The following PARD3 variants were observed in gnomAD, a reference collection of about 807,000 sequenced individuals.
PARD3 encodes the protein partitioning defective 3 homolog.
In PARD3, 75 loss-of-function variants were observed where a neutral mutation model predicts 155.4. The ratio of observed to expected loss-of-function variants is 0.48; its 90% CI spans 0.40 to 0.58. PARD3 has a LOEUF of 0.58. Ranked by LOEUF, PARD3 falls within the 20% of genes least tolerant of loss-of-function variation. The pLI, the probability that PARD3 is intolerant of heterozygous loss-of-function variation, is 0.00. For missense variants in PARD3, 1,642 were observed against 1,721.7 expected, an observed-to-expected ratio of 0.95 and a Z score of 0.82; for synonymous variants, 576 against 610.5, an observed-to-expected ratio of 0.94 and a Z score of 0.83.
At chr10:34,784,600 C>T (rs1395976587) in intron 1 of PARD3, among the ~76,000 whole-genome samples, 1 of 152,206 alleles carries the variant, frequency 6.6e-6, no homozygotes, top group Non-Finnish European at 1.5e-5. Context: ...CCATGCCAGG[C>T]TAATTCTTGT....
chr10:34,718,979 A>T (rs1178615269), intron 1 of PARD3, among the ~76,000 whole-genome samples: 1 of 152,190 alleles, frequency 6.6e-6, no homozygotes, highest in Non-Finnish European at 1.5e-5. Context: ...AAAATAAAAA[A>T]TAAATTTTAA....
intron 24 of PARD3, among the ~76,000 whole-genome samples, chr10:34,116,667 T>C (rs1234602031): frequency 6.6e-6 from 1 of 152,220 alleles, no homozygotes; most frequent in Admixed American, 6.5e-5. Context: ...GACAAGAAGA[T>C]ACTGCAGAAA....
At chr10:34,548,226 T>G (rs543577131) in intron 2 of PARD3, among the ~76,000 whole-genome samples, 194 of 152,272 alleles carry the variant, frequency 1.3e-3, no homozygotes, top group Non-Finnish European at 1.9e-3. Context: ...TGGTGGCTCA[T>G]GCCTGTAATC....
intron 22 of PARD3, among the ~76,000 whole-genome samples, chr10:34,164,180 A>G (rs1949414696): frequency 6.6e-6 from 1 of 152,226 alleles, no homozygotes; most frequent in African/African-American, 2.4e-5. Context: ...AAGAAAAGGA[A>G]GAATTGGCCA....
chr10:34,775,931 A>C (rs1839473385), intron 1 of PARD3, among the ~76,000 whole-genome samples: 1 of 152,128 alleles, frequency 6.6e-6, no homozygotes, highest in African/African-American at 2.4e-5. Context: ...TTCATTTTAC[A>C]AAGTAATATA....
At chr10:34,510,106 G>A (rs1370532020) in intron 3 of PARD3, among the ~76,000 whole-genome samples, 1 of 152,188 alleles carries the variant, frequency 6.6e-6, no homozygotes, top group South Asian at 2.1e-4. Flanking sequence ...TAATACTGAT[G>A]TAACAAAACT....
intron 14 of PARD3, among the ~76,000 whole-genome samples, chr10:34,351,396 TAAAACTG>T (rs1235288807): frequency 1.3e-5 from 2 of 152,224 alleles, no homozygotes; most frequent in African/African-American, 2.4e-5. Flanking sequence ...AATAGGCTGT[TAAAACTG>T]AGGACACGCC....
chr10:34,113,923 G>A (rs575344011), intron 24 of PARD3, among the ~76,000 whole-genome samples: 13 of 152,292 alleles, frequency 8.5e-5, no homozygotes, highest in African/African-American at 3.1e-4. Context: ...AATAGGTCCC[G>A]GAGGAGTAGT....
At chr10:34,585,359 C>T (rs2087912701) in intron 2 of PARD3, among the ~76,000 whole-genome samples, 1 of 152,100 alleles carries the variant, frequency 6.6e-6, no homozygotes, top group South Asian at 2.1e-4. Context: ...TTTAGTCCTG[C>T]ACCCATTAAC....
chr10:34,185,811 CTATATTATATTATATTATATTATAT>C (rs200395816), intron 22 of PARD3, among the ~76,000 whole-genome samples: 1 of 143,706 alleles, frequency 7.0e-6, no homozygotes, highest in African/African-American at 2.5e-5. Context: ...GTAACATCTT[CTATATTATATTATATTATATTATAT>C]TATATTATAT....
At chr10:34,761,127 G>A (rs1285044269) in intron 1 of PARD3, among the ~76,000 whole-genome samples, 2 of 151,982 alleles carry the variant, frequency 1.3e-5, no homozygotes, top group Non-Finnish European at 2.9e-5. Flanking sequence ...AAAAACAAAA[G>A]GGGTCAGGCA....
intron 10 of PARD3, among the ~76,000 whole-genome samples, chr10:34,375,409 T>C (rs975703924): frequency 1.3e-5 from 2 of 152,170 alleles, no homozygotes; most frequent in African/African-American, 4.8e-5. Flanking sequence ...GTTGCTCTTA[T>C]AAAGGGTAAT....
chr10:34,258,921 T>G (rs1330855670), intron 22 of PARD3, among the ~76,000 whole-genome samples: 1 of 151,876 alleles, frequency 6.6e-6, no homozygotes, highest in Non-Finnish European at 1.5e-5. Flanking sequence ...AAAATAAAAT[T>G]AGCTGGGCAT....
intron 22 of PARD3, among the ~76,000 whole-genome samples, chr10:34,190,743 G>C (rs1423369042): frequency 6.6e-6 from 1 of 152,180 alleles, no homozygotes; most frequent in East Asian, 1.9e-4. Context: ...CAACAAAAGA[G>C]AGCGTGACAA....
At chr10:34,547,528 A>T (rs536360931) in intron 2 of PARD3, among the ~76,000 whole-genome samples, 2 of 152,370 alleles carry the variant, frequency 1.3e-5, no homozygotes, top group East Asian at 3.9e-4. Context: ...GTTGAGTTAT[A>T]CAGCTCCTAT....
At chr10:34,797,391 A>G (rs1235650856) in intron 1 of PARD3, among the ~76,000 whole-genome samples, 2 of 152,148 alleles carry the variant, frequency 1.3e-5, no homozygotes, top group Non-Finnish European at 2.9e-5. Flanking sequence ...GCCTCAAGCA[A>G]TCCTCCCACT....
intron 22 of PARD3, among the ~76,000 whole-genome samples, chr10:34,251,707 G>A (rs1347794288): frequency 1.3e-5 from 2 of 152,064 alleles, no homozygotes; most frequent in Non-Finnish European, 2.9e-5. Flanking sequence ...AGAATTATAA[G>A]TTTAACATAC....
intron 2 of PARD3, among the ~76,000 whole-genome samples, chr10:34,603,663 A>T (rs753291987): frequency 6.6e-6 from 1 of 152,218 alleles, no homozygotes; most frequent in Non-Finnish European, 1.5e-5. Flanking sequence ...AAGTAATAGT[A>T]CGTGAGGCCA....
chr10:34,306,701 G>T (rs887602856), intron 20 of PARD3, among the ~76,000 whole-genome samples: 1 of 152,186 alleles, frequency 6.6e-6, no homozygotes, highest in Non-Finnish European at 1.5e-5. Flanking sequence ...CATGGAGCAT[G>T]AAAGGCTGCT....
Sources: gnomAD v4.1 joint callset for allele counts (sites outside exome capture counted in the v4.1 genomes callset) on GRCh38, gnomAD v4.1.1 for gene constraint, MANE v1.5 for transcripts, NCBI Gene and HGNC (gene_info 2026-07-23, HGNC 2026-07-21) for gene names.